Variants in ACTR3C observed in about 807,000 individuals in gnomAD.
The protein encoded by ACTR3C is actin related protein 3C.
In ACTR3C, 18 loss-of-function variants were observed where a neutral mutation model predicts 26.3. That is an observed-to-expected ratio of 0.68 (90% CI 0.47 to 1.01). The LOEUF (loss-of-function observed/expected upper bound fraction) is 1.01. ACTR3C is among the 50% of genes least tolerant of loss of function. The pLI, the probability that ACTR3C is intolerant of heterozygous loss-of-function variation, is 0.00. For synonymous variants in ACTR3C, 55 were observed against 94.5 expected, an observed-to-expected ratio of 0.58 and a Z score of 2.42; for missense variants, 184 against 250.7, an observed-to-expected ratio of 0.73 and a Z score of 1.80.
At chr7:150,184,379 C>T in the ACTR3C span, among the ~76,000 whole-genome samples, 12 of 150,870 alleles carry the variant, frequency 8.0e-5, no homozygotes, top group Admixed American at 7.9e-4. Flanking sequence ...ACCCAGGCTG[C>T]AGCGGTCTCA....
chr7:150,042,966 A>G, the ACTR3C span, among the ~76,000 whole-genome samples: 4 of 151,014 alleles, frequency 2.6e-5, no homozygotes, highest in African/African-American at 9.8e-5. Context: ...TCCCCATTTC[A>G]AAGTTTCCGG....
chr7:149,914,104 G>C, the ACTR3C span, among the ~76,000 whole-genome samples: 3 of 151,244 alleles, frequency 2.0e-5, no homozygotes, highest in South Asian at 6.3e-4. Context: ...GCCCAGATTG[G>C]TCTCAAACTC....
the ACTR3C span, among the ~76,000 whole-genome samples, chr7:150,099,625 C>G: frequency 6.6e-6 from 1 of 151,580 alleles, no homozygotes; most frequent in African/African-American, 2.4e-5. Flanking sequence ...AGGAGCTGGG[C>G]AGCATCCTCA....
At chr7:150,299,306 T>A (rs1240220917) in intron 1 of ACTR3C, among the ~76,000 whole-genome samples, 1 of 148,398 alleles carries the variant, frequency 6.7e-6, no homozygotes, top group Non-Finnish European at 1.5e-5. Context: ...AAAAACAAGG[T>A]GTGGTAGCCG....
the ACTR3C span, among the ~76,000 whole-genome samples, chr7:150,197,175 A>G: frequency 6.6e-6 from 1 of 152,116 alleles, no homozygotes; most frequent in African/African-American, 2.4e-5. Context: ...CACCTTTGAG[A>G]AAGTTTTCTC....
chr7:150,185,274 G>GGGGTGGGTGT, the ACTR3C span, among the ~76,000 whole-genome samples: 1 of 124,154 alleles, frequency 8.1e-6, no homozygotes, highest in African/African-American at 3.0e-5. Context: ...TTAAATGTCA[G>GGGGTGGGTGT]GCGTGTGTGT....
chr7:149,975,712 G>A, the ACTR3C span, among the ~76,000 whole-genome samples: 4 of 152,222 alleles, frequency 2.6e-5, no homozygotes, highest in Non-Finnish European at 5.9e-5. Flanking sequence ...GAGGGACTCA[G>A]GAAACTTACA....
chr7:150,149,900 T>G, the ACTR3C span, among the ~76,000 whole-genome samples: 1 of 152,264 alleles, frequency 6.6e-6, no homozygotes, highest in African/African-American at 2.4e-5. Context: ...GTGGATTTTA[T>G]ATGTGCACAC....
the ACTR3C span, among the ~76,000 whole-genome samples, chr7:150,116,769 A>G: frequency 6.5e-3 from 996 of 152,276 alleles, 12 homozygotes; most frequent in African/African-American, 0.023. Context: ...AATAAACAGT[A>G]TCTGTAAGGA....
chr7:149,975,013 A>G, the ACTR3C span, among the ~76,000 whole-genome samples: 1 of 152,228 alleles, frequency 6.6e-6, no homozygotes, highest in African/African-American at 2.4e-5. Flanking sequence ...CGACACTGGC[A>G]TGCTCTGGCG....
the ACTR3C span, among the ~76,000 whole-genome samples, chr7:150,010,631 T>C: frequency 1.3e-5 from 2 of 149,748 alleles, no homozygotes; most frequent in Admixed American, 6.7e-5. Flanking sequence ...GAGGCAGAGG[T>C]TGCAGTGAGC....
chr7:150,138,989 A>G, the ACTR3C span, among the ~76,000 whole-genome samples: 2 of 152,418 alleles, frequency 1.3e-5, no homozygotes, highest in East Asian at 3.9e-4. Context: ...GTCTAGTTGC[A>G]GGAAAACAAG....
At chr7:150,125,034 A>C in the ACTR3C span, among the ~76,000 whole-genome samples, 1 of 152,180 alleles carries the variant, frequency 6.6e-6, no homozygotes, top group Non-Finnish European at 1.5e-5. Flanking sequence ...GTCTCTATTC[A>C]ATGCCTATGC....
the ACTR3C span, among the ~76,000 whole-genome samples, chr7:149,994,811 A>G: frequency 6.6e-6 from 1 of 151,016 alleles, no homozygotes; most frequent in South Asian, 2.1e-4. Flanking sequence ...GGAAGAAGTG[A>G]GTAAGACAGT....
chr7:150,022,311 G>A, the ACTR3C span, among the ~76,000 whole-genome samples: 3 of 150,708 alleles, frequency 2.0e-5, no homozygotes, highest in African/African-American at 7.4e-5. Flanking sequence ...CTTTTTGATG[G>A]GATTATTTGT....
intron 1 of ACTR3C, among the ~76,000 whole-genome samples, chr7:150,311,659 A>T (rs1414839070): frequency 6.6e-6 from 1 of 151,830 alleles, no homozygotes; most frequent in Non-Finnish European, 1.5e-5. Flanking sequence ...CCCTTTCCTC[A>T]TATTTCTATT....
the ACTR3C span, among the ~76,000 whole-genome samples, chr7:150,065,014 T>C: frequency 7.3e-3 from 1,108 of 152,046 alleles, 25 homozygotes; most frequent in Admixed American, 0.049. Context: ...GCTTTTACAT[T>C]TTCCACATAG....
chr7:150,263,857 C>T (rs1420954843), intron 6 of ACTR3C, among the ~76,000 whole-genome samples: 1 of 152,168 alleles, frequency 6.6e-6, no homozygotes, highest in African/African-American at 2.4e-5. Flanking sequence ...TATTTGTTTC[C>T]TACACTAAAA....
chr7:150,035,154 T>C, the ACTR3C span, among the ~76,000 whole-genome samples: 526 of 106,842 alleles, frequency 4.9e-3, 15 homozygotes, highest in African/African-American at 0.016. Context: ...ACGATGGGGG[T>C]CCTAAGCCAG....
Sources: gnomAD v4.1 joint callset for allele counts (sites outside exome capture counted in the v4.1 genomes callset) on GRCh38, gnomAD v4.1.1 for gene constraint, MANE v1.5 for transcripts, NCBI Gene and HGNC (gene_info 2026-07-23, HGNC 2026-07-21) for gene names.